The following DPEP1 variants were observed in gnomAD, a reference collection of about 807,000 sequenced individuals.
DPEP1 encodes dipeptidase 1, also known as beta-lactamase.
Under a neutral mutation model 42.3 loss-of-function variants are expected in DPEP1, and 50 were observed. The observed-to-expected ratio is 1.18, with a 90% CI of 0.94 to 1.50. DPEP1 has a LOEUF of 1.50. Ranked by LOEUF, DPEP1 falls within the 40% of genes most tolerant of loss-of-function variation. The pLI is 0.00. For synonymous variants in DPEP1, 297 were observed against 234.0 expected (o/e 1.27, Z -2.46); for missense variants, 663 against 553.0 (o/e 1.20, Z -1.99).
At chr16:89,640,547 T>A (rs377358886), downstream of DPEP1, 12 of 984,286 alleles carry the variant, frequency 1.2e-5, no homozygotes, top group East Asian at 5.8e-4. Context: ...CGTCCTGATC[T>A]TCCAGGATGC....
At chr16:89,637,772 AGGTGGCT>A in intron 9 of DPEP1, 57 bp from the exon 10 acceptor site, 1 of 1,612,664 alleles carries the variant, frequency 6.2e-7, no homozygotes, top group Non-Finnish European at 8.5e-7. Context: ...CAGAGGGATG[AGGTGGCT>A]GGAGGAGGGA....
At chr16:89,628,694 C>T (rs1271615118) in intron 1 of DPEP1, among the ~76,000 whole-genome samples, 2 of 152,088 alleles carry the variant, frequency 1.3e-5, no homozygotes, top group African/African-American at 2.4e-5. Flanking sequence ...TCTGAAGCGA[C>T]AAGCAGAACA....
rs192325916 is a variant in DPEP1 at position 89,622,645 on chromosome 16, G to A, written c.-106-7660G>A. Among the ~76,000 whole-genome samples, 1,235 of 152,174 alleles carry A rather than the reference G, an allele frequency of 8.1e-3. 8 individuals carry two copies. Among genetic ancestry groups the A allele is most frequent in the Admixed American group, 0.018 (277 of 15,284 alleles). ...CTAAAAATACAAAAATTAGTCGGGC[G>A]TGGTGGCGGGCACCTGTAGTCCCAG... On this transcript the variant is annotated intron_variant, in intron 1 of 10. Transcript: ENST00000690203.
At chr16:89,627,651 CTTTTTTT>C (rs1175287086) in intron 1 of DPEP1, among the ~76,000 whole-genome samples, 2 of 52,862 alleles carry the variant, frequency 3.8e-5, no homozygotes, top group African/African-American at 8.9e-5. Flanking sequence ...GATATTTCTT[CTTTTTTT>C]TTTTTTTTTT....
chr16:89,640,955 T>A (rs1194243766), downstream of DPEP1, among the ~76,000 whole-genome samples: 1 of 152,156 alleles, frequency 6.6e-6, no homozygotes, highest in Non-Finnish European at 1.5e-5. Context: ...GTGAGCCATC[T>A]CCAGTGATTG....
intron 2 of DPEP1, among the ~76,000 whole-genome samples, chr16:89,632,385 C>T (rs117586265): frequency 0.025 from 3,793 of 152,266 alleles, 60 homozygotes; most frequent in Non-Finnish European, 0.04. Flanking sequence ...TGTTACGGGA[C>T]CCACCTTCAT....
rs1169246315 is a variant in DPEP1, at chr16:89,636,518, T to C, written c.371-15T>C. On this transcript the variant is annotated splice_polypyrimidine_tract_variant and intron_variant, in intron 4 of 10. Transcript: ENST00000690203. ...ACCAGGTGCCCACTCCCCTGCACCC[T>C]GACTCTCCCCGCAGGCATTCGGCAG... The C allele has an allele frequency of 2.5e-6, 4 of 1,610,668 alleles. No individual in the cohort carries two copies. Among genetic ancestry groups the C allele is most frequent in the African/African-American group, 1.3e-5 (1 of 74,902 alleles).
At chr16:89,626,808 T>A (rs188280136) in intron 1 of DPEP1, among the ~76,000 whole-genome samples, 76 of 152,192 alleles carry the variant, frequency 5.0e-4, no homozygotes, top group African/African-American at 1.8e-3. Flanking sequence ...CAATGAAGGC[T>A]TTTTTCCTTT....
chr16:89,622,972 C>T (rs543589020), intron 1 of DPEP1, among the ~76,000 whole-genome samples: 4 of 152,094 alleles, frequency 2.6e-5, no homozygotes, highest in Middle Eastern at 3.4e-3. Context: ...TCAGCTCAGA[C>T]GTTGCAGGCA....
At chr16:89,634,720 T>TC (rs1333392723) in intron 2 of DPEP1, among the ~76,000 whole-genome samples, 1 of 120,536 alleles carries the variant, frequency 8.3e-6, no homozygotes, top group African/African-American at 3.5e-5. Context: ...TCCTTCCCTT[T>TC]CCCTTCCTTC....
At chr16:89,626,406 A>T (rs1370938563) in intron 1 of DPEP1, 1 of 152,220 alleles carries the variant, frequency 6.6e-6, no homozygotes, top group Non-Finnish European at 1.5e-5. Flanking sequence ...GCTGGAGTGC[A>T]GTGGCACAAT....
intron 2 of DPEP1, among the ~76,000 whole-genome samples, chr16:89,635,283 C>A (rs763349017): frequency 5.8e-4 from 88 of 152,140 alleles, no homozygotes; most frequent in Non-Finnish European, 9.3e-4. Flanking sequence ...CCTGGGAAAA[C>A]CTTGGAGAAC....
downstream of DPEP1, among the ~76,000 whole-genome samples, chr16:89,640,194 C>A (rs910502365): frequency 2.0e-5 from 3 of 152,196 alleles, no homozygotes; most frequent in Non-Finnish European, 4.4e-5. Flanking sequence ...AGGACAGGAC[C>A]CCCCACGCTG....
At chr16:89,613,534 T>TC (rs1361778665), upstream of DPEP1, 1 of 152,228 alleles carries the variant, frequency 6.6e-6, no homozygotes, top group Non-Finnish European at 1.5e-5. Flanking sequence ...CTCCTCCATT[T>TC]CCCTCCTCTT....
At chr16:89,631,103 G>A (rs915673865) in intron 2 of DPEP1, among the ~76,000 whole-genome samples, 6 of 152,056 alleles carry the variant, frequency 3.9e-5, no homozygotes, top group Admixed American at 6.6e-5. Context: ...CAGCAGGTGC[G>A]GGTGGCACCC....
chr16:89,615,857 A>T (rs1442408557), intron 1 of DPEP1, among the ~76,000 whole-genome samples: 1 of 152,064 alleles, frequency 6.6e-6, no homozygotes, highest in African/African-American at 2.4e-5. Flanking sequence ...GTGTGGAGGG[A>T]GACCAAGCAC....
In DPEP1 at chr16:89,630,478, CAG is replaced by C. The variant is rs763018398; in HGVS notation, c.73_74del (p.Arg25AspfsTer9). On this transcript the variant is annotated frameshift_variant, in exon 2 of 11. Transcript: ENST00000690203. LOFTEE classifies it high-confidence loss of function. The stretch of plus-strand genomic sequence containing the variant: ...ACTGCAGACTTCTTTCGGGACGAGG[CAG>C]AGAGGATCATGAGGGACTCCCCTGT... The C allele has an allele frequency of 1.2e-6, 2 of 1,607,518 alleles. No individual in the cohort carries two copies. The highest frequency in any genetic ancestry group is 2.2e-5 in the South Asian group (2 of 90,676).
intron 1 of DPEP1, among the ~76,000 whole-genome samples, chr16:89,615,623 C>T (rs1408893025): frequency 6.6e-6 from 1 of 152,208 alleles, no homozygotes; most frequent in African/African-American, 2.4e-5. Flanking sequence ...CAGAGCCCAC[C>T]CTGAGGGAGG....
intron 1 of DPEP1, among the ~76,000 whole-genome samples, chr16:89,615,223 C>G (rs2059369767): frequency 6.6e-6 from 1 of 152,238 alleles, no homozygotes; most frequent in Admixed American, 6.5e-5. Context: ...CTTGCAGCTT[C>G]AGGGGGACGT....
Sources: allele counts gnomAD v4.1 joint callset (sites outside exome capture counted in the v4.1 genomes callset), GRCh38; gene constraint gnomAD v4.1.1; transcripts MANE v1.5; gene names NCBI Gene and HGNC (gene_info 2026-07-23, HGNC 2026-07-21).